Variants in RIPPLY1 observed in about 807,000 individuals in gnomAD.
RIPPLY1 encodes protein ripply1.
RIPPLY1 carries 10 observed loss-of-function variants against 8.7 expected under a neutral mutation model. That is an observed-to-expected ratio of 1.15 (90% CI 0.71 to 1.94). RIPPLY1 has a LOEUF of 1.94. Among genes scored for constraint, RIPPLY1 ranks in the 30% most tolerant of loss-of-function variants. The pLI is 0.00. For synonymous variants in RIPPLY1, 54 were observed against 44.8 expected (o/e 1.20, Z -0.82); for missense variants, 118 against 108.7 (o/e 1.09, Z -0.38).
intron 2 of RIPPLY1, 46 bp from the exon 3 acceptor site, chrX:106,901,584 A>G (rs1323487450): frequency 8.7e-7 from 1 of 1,148,305 alleles, no homozygotes; most frequent in Admixed American, 2.2e-5. Context: ...ACATGGCTAG[A>G]TAACTTCCTC....
At position 106,900,575 on chromosome X, in the gene RIPPLY1, T is replaced by C. The variant is rs1602450669; in HGVS notation, c.*174A>G. 2 of 877,340 alleles carry C rather than the reference T, an allele frequency of 2.3e-6. No individual in the cohort carries two copies. The highest frequency in any genetic ancestry group is 4.4e-4 in the Middle Eastern group (1 of 2,269). 72.3% of individuals were successfully genotyped at this position (877,340 alleles called of 1,213,427 possible). A position where few individuals can be genotyped will look rare whatever the true frequency, so the allele number is the denominator to read the frequency against. On this transcript the variant is annotated 3_prime_UTR_variant, in exon 4 of 4. Transcript: ENST00000276173. ...CAGAAAGCTCTATCTGCTGGACTAA[T>C]ACTTCCGGCTAACTGATGTCTGTGA...
chrX:106,902,399 C>T (rs1326988827), intron 1 of RIPPLY1, among the ~76,000 whole-genome samples, 184 bp from the exon 2 acceptor site: 7 of 112,054 alleles, frequency 6.2e-5, no homozygotes, highest in African/African-American at 2.3e-4. Flanking sequence ...GTTATTATTG[C>T]TTTTATCATG....
In RIPPLY1 at chrX:106,900,812, G is replaced by A. The variant is rs187005190; in HGVS notation, c.393C>T (p.Tyr131=). Residue 131 remains tyrosine, a synonymous_variant, in exon 4 of 4, where the codon TAC becomes TAT. Transcript: ENST00000276173. The part of the protein sequence containing the change: ...NFPVQATINL[Y]EDSDSEEEEE... ...CTTCTTCTTCGCTGTCTGAGTCCTC[G>A]TATAGGTTGATGGTTGCCTGGACAG... 1,003 of 1,209,537 alleles carry A rather than the reference G, an allele frequency of 8.3e-4. 5 individuals are homozygous for A. The African/African-American group carries it at 0.016, about 20-fold the overall frequency.
chrX:106,902,985 T>C lies in RIPPLY1; in HGVS notation c.155+148A>G. On this transcript the variant is annotated intron_variant, in intron 1 of 3. Coordinates refer to ENST00000276173, the MANE Select transcript of RIPPLY1 (RefSeq NM_138382.3). ...GTGAGGTGAAAAGTCAGATGAGATATTCCAGCTAGAGTTGAGGAGGGAGGG... is the reference window on the plus strand; with the variant it reads ...GTGAGGTGAAAAGTCAGATGAGATACTCCAGCTAGAGTTGAGGAGGGAGGG... 3 of 596,679 alleles carry C rather than the reference T, an allele frequency of 5.0e-6. No individual in the cohort carries two copies. The South Asian group carries it at 9.3e-5, about 19-fold the overall frequency. The allele number at this position is 596,679 out of a possible 1,213,427, so 49.2% of individuals were successfully genotyped here.
chrX:106,900,772 G>C lies in RIPPLY1; in HGVS notation c.433C>G (p.Gln145Glu), dbSNP rs902295657. 1 of 1,208,057 alleles carries C rather than the reference G, an allele frequency of 8.3e-7. No individual in the cohort carries two copies. Among genetic ancestry groups the C allele is most frequent in the African/African-American group, 1.8e-5 (1 of 57,092 alleles). The change falls in exon 4 of 4, where the codon CAG becomes GAG. Residue 145 changes from glutamine to glutamate, a missense_variant. Gln to Glu is a conservative substitution (Grantham distance 29). Coordinates refer to ENST00000276173, the MANE Select transcript of RIPPLY1 (RefSeq NM_138382.3). ...DSEEEEEDEE[Q>E]EDEEEK ...TCCTACTTCTCTTCTTCATCCTCCT[G>C]CTCTTCATCTTCCTCTTCTTCTTCG...
At position 106,900,757 on chromosome X, in the gene RIPPLY1, C is replaced by G; in HGVS notation, c.448G>C (p.Glu150Gln). 2 of 1,208,381 alleles carry G rather than the reference C, an allele frequency of 1.7e-6. No homozygotes were observed. The highest frequency in any genetic ancestry group is 2.2e-6 in the Non-Finnish European group (2 of 893,808). The change falls in exon 4 of 4, where the codon GAG becomes CAG. Residue 150 changes from glutamate to glutamine, a missense_variant. Glu to Gln is a conservative substitution (Grantham distance 29, BLOSUM62 2). Transcript: ENST00000276173. The stretch of plus-strand genomic sequence containing the variant: ...CCCTTTTCATTGGCCTCCTACTTCT[C>G]TTCTTCATCCTCCTGCTCTTCATCT... Reference protein sequence around the residue: ...EEDEEQEDEEEK With the variant: ...EEDEEQEDEEQK
chrX:106,902,964 G>A (rs1321351108), intron 1 of RIPPLY1, among the ~76,000 whole-genome samples, 169 bp downstream of exon 1: 3 of 112,480 alleles, frequency 2.7e-5, no homozygotes, highest in Non-Finnish European at 3.8e-5. Context: ...GGATTAGTGA[G>A]GTGAAAAGTC....
Position 106,903,181 on chromosome X carries a change from C to T in RIPPLY1, c.107G>A (p.Ser36Asn). The T allele has an allele frequency of 1.7e-6, 2 of 1,211,214 alleles. No homozygotes were observed. The highest frequency in any genetic ancestry group is 2.2e-6 in the Non-Finnish European group (2 of 895,091). The change falls in exon 1 of 4, where the codon AGC (serine) becomes AAC (asparagine). Residue 36 changes from serine (S) to asparagine (N), a missense_variant. Coordinates refer to ENST00000276173, the MANE Select transcript of RIPPLY1 (RefSeq NM_138382.3). ...QAPLALPGLL[S>N]PSCLLSSGQE... ...TCCAGAGGAGAGAAGGCAAGATGGG[C>T]TTAACAGGCCAGGGAGTGCCAGTGG... is the stretch of plus-strand genomic sequence containing the variant.
At chrX:106,901,425 A>C in intron 3 of RIPPLY1, 49 bp downstream of exon 3, 2 of 1,103,120 alleles carry the variant, frequency 1.8e-6, no homozygotes, top group Non-Finnish European at 2.5e-6. Flanking sequence ...GAAGATTCAA[A>C]GAGCTAATGG....
chrX:106,902,161 C>T lies in RIPPLY1; in HGVS notation c.210G>A (p.Gln70=), dbSNP rs772478118. 8 of 1,194,968 alleles carry T rather than the reference C, an allele frequency of 6.7e-6. No homozygotes were observed. The South Asian group carries it at 1.5e-4, about 22-fold the overall frequency. The change falls in exon 2 of 4, where the codon CAG becomes CAA. Residue 70 remains glutamine (Q), a synonymous_variant. Coordinates refer to ENST00000276173, the MANE Select transcript of RIPPLY1 (RefSeq NM_138382.3). Reference sequence around the variant, plus strand: ...TCACCAAATCCACCAGCTTCCTCATCTGCCTTGGGGAGTCATTTGTGGAAG... The same window carrying T: ...TCACCAAATCCACCAGCTTCCTCATTTGCCTTGGGGAGTCATTTGTGGAAG... The part of the protein sequence containing the change: ...WLSSTNDSPR[Q]MRKLVDLAAG...
chrX:106,902,324 G>A (rs947413509), intron 1 of RIPPLY1, 109 bp from the exon 2 acceptor site: 1 of 609,812 alleles, frequency 1.6e-6, no homozygotes. Context: ...TCTGCTCCAG[G>A]AAGCCTTTCC....
At position 106,900,081 on chromosome X, in the gene RIPPLY1, C is replaced by T. The variant is rs954869243; in HGVS notation, c.*668G>A. On this transcript the variant is annotated 3_prime_UTR_variant, in exon 4 of 4. Coordinates refer to ENST00000276173, the MANE Select transcript of RIPPLY1 (RefSeq NM_138382.3). ...AGCACAGTTCCAAGAAAAAGGAAAA[C>T]ACCATCCAGTTTATTTTTCTCCTGA... The T allele has an allele frequency of 1.8e-5, 2 of 112,483 alleles. No individual in the cohort carries two copies. The highest frequency in any genetic ancestry group is 3.2e-5 in the African/African-American group (1 of 30,934). The allele number at this position is 112,483 out of a possible 1,213,427, so 9.3% of individuals were successfully genotyped here.
Position 106,901,390 on chromosome X carries a change from C to T in RIPPLY1, c.296+84G>A, listed in dbSNP as rs916373425. On this transcript the variant is annotated intron_variant, in intron 3 of 3. Coordinates refer to ENST00000276173, the MANE Select transcript of RIPPLY1 (RefSeq NM_138382.3). ...GCGATCATAGATAGCAATTCCTCCC[C>T]TCTCCTGCTTCACAAGACCTTTGTG... is the stretch of plus-strand genomic sequence containing the variant. 43 of 934,892 alleles carry T rather than the reference C, an allele frequency of 4.6e-5. No homozygotes were observed. The South Asian group carries it at 8.7e-4, about 19-fold the overall frequency. The allele number at this position is 934,892 out of a possible 1,213,427, so 77.0% of individuals were successfully genotyped here. A position where few individuals can be genotyped will look rare whatever the true frequency, so the allele number is the denominator to read the frequency against.
chrX:106,902,058 CAGGGGCTCTCTGGGA>C (rs1300987008), intron 2 of RIPPLY1, 67 bp downstream of exon 2: 1 of 823,295 alleles, frequency 1.2e-6, no homozygotes, highest in Non-Finnish European at 1.8e-6. Context: ...GGACTGAGGT[CAGGGGCTCTCTGGGA>C]AGTGACCTGG....
At chrX:106,901,152 C>T (rs970103641) in intron 3 of RIPPLY1, among the ~76,000 whole-genome samples, 1 of 112,332 alleles carries the variant, frequency 8.9e-6, no homozygotes, top group Admixed American at 9.3e-5. Context: ...GCATCTGTCA[C>T]TTATGGCTCT....
At position 106,900,607 on chromosome X, in the gene RIPPLY1, G is replaced by C. The variant is rs1933075296; in HGVS notation, c.*142C>G. On this transcript the variant is annotated 3_prime_UTR_variant, in exon 4 of 4. Transcript: ENST00000276173. ...GGCTAACTGATGTCTGTGAAAACTT[G>C]CCAGACAAACTGAACCCCAATCAGA... The C allele has an allele frequency of 2.5e-5, 25 of 1,007,807 alleles. No homozygotes were observed. The highest frequency in any genetic ancestry group is 3.2e-5 in the Non-Finnish European group (25 of 770,045). 83.1% of individuals were successfully genotyped at this position (1,007,807 alleles called of 1,213,427 possible). A position where few individuals can be genotyped will look rare whatever the true frequency, so the allele number is the denominator to read the frequency against.
chrX:106,903,139 C>A lies in RIPPLY1; in HGVS notation c.149G>T (p.Ser50Ile). 1 of 1,211,191 alleles carries A rather than the reference C, an allele frequency of 8.3e-7. No individual in the cohort carries two copies. The highest frequency in any genetic ancestry group is 1.8e-5 in the South Asian group (1 of 56,684). ...LLSSGQEVNG[S>I]ERGTCLWRPW... Reference sequence around the variant, plus strand: ...AAGGCTAAGCTCAACTTACCTTTCACTCCCATTTACTTCTTGTCCAGAGGA... The same window carrying A: ...AAGGCTAAGCTCAACTTACCTTTCAATCCCATTTACTTCTTGTCCAGAGGA... The change falls in exon 1 of 4, where the codon AGT (serine) becomes ATT (isoleucine). Residue 50 changes from serine to isoleucine, a missense_variant. By Grantham distance (142) the Ser-to-Ile change is moderately radical (BLOSUM62 -2). Coordinates refer to ENST00000276173, the MANE Select transcript of RIPPLY1 (RefSeq NM_138382.3).
Position 106,903,334 on chromosome X carries a change from CT to C in RIPPLY1, c.-48del. On this transcript the variant is annotated 5_prime_UTR_variant, in exon 1 of 4. Coordinates refer to ENST00000276173, the MANE Select transcript of RIPPLY1 (RefSeq NM_138382.3). The stretch of plus-strand genomic sequence containing the variant: ...GGGGTCTCCTACTTCCCAGAACCTT[CT>C]GCACTCTTTTGGCTTTTCCTGGGAG... 8.8e-7 allele frequency: 1 copy of C among 1,136,210 alleles called. No individual in the cohort carries two copies. Among genetic ancestry groups the C allele is most frequent in the Non-Finnish European group, 1.2e-6 (1 of 853,874 alleles). 93.6% of individuals were successfully genotyped at this position (1,136,210 alleles called of 1,213,427 possible).
At position 106,900,916 on chromosome X, in the gene RIPPLY1, C is replaced by G. The variant is rs764404441; in HGVS notation, c.297-8G>C. The G allele has an allele frequency of 3.7e-5, 45 of 1,205,107 alleles. No individual in the cohort carries two copies. In the Admixed American group the frequency reaches 6.2e-4, roughly 17 times the overall value. ...GATTTAGGCCAGAAGAGCCTGTGGACAGAGAAGAAACATGGCCCCTAACAG... is the reference window on the plus strand; with the variant it reads ...GATTTAGGCCAGAAGAGCCTGTGGAGAGAGAAGAAACATGGCCCCTAACAG... On this transcript the variant is annotated splice_region_variant and splice_polypyrimidine_tract_variant and intron_variant, in intron 3 of 3. Coordinates refer to ENST00000276173, the MANE Select transcript of RIPPLY1 (RefSeq NM_138382.3).
Sources: allele counts gnomAD v4.1 joint callset (sites outside exome capture counted in the v4.1 genomes callset), GRCh38; gene constraint gnomAD v4.1.1; transcripts MANE v1.5; gene names NCBI Gene and HGNC (gene_info 2026-07-23, HGNC 2026-07-21).